Variants in ARHGAP31 observed in about 807,000 individuals in gnomAD.
ARHGAP31 encodes rho GTPase-activating protein 31.
In ARHGAP31, 34 loss-of-function variants were observed where a neutral mutation model predicts 113.9. That is an observed-to-expected ratio of 0.30 (90% CI 0.23 to 0.40). ARHGAP31 has a LOEUF of 0.40. Ranked by LOEUF, ARHGAP31 falls within the 10% of genes least tolerant of loss-of-function variation. The pLI is 1.00. For synonymous variants in ARHGAP31, 650 were observed against 684.8 expected (o/e 0.95, Z 0.79); for missense variants, 1,548 against 1,767.1 (o/e 0.88, Z 2.22).
chr3:119,386,541 G>T (rs544178409), intron 6 of ARHGAP31, among the ~76,000 whole-genome samples: 60 of 152,330 alleles, frequency 3.9e-4, no homozygotes, highest in African/African-American at 1.4e-3. Context: ...TATTGCTTTT[G>T]TAGGGACCAG....
intron 1 of ARHGAP31, among the ~76,000 whole-genome samples, chr3:119,303,646 G>T (rs951424053): frequency 6.6e-6 from 1 of 152,110 alleles, no homozygotes; most frequent in Non-Finnish European, 1.5e-5. Context: ...ACCAGCTCTC[G>T]CTGTCATAGA....
intron 1 of ARHGAP31, among the ~76,000 whole-genome samples, chr3:119,333,346 C>A (rs1216866354): frequency 6.6e-6 from 1 of 152,278 alleles, no homozygotes; most frequent in Non-Finnish European, 1.5e-5. Flanking sequence ...CTGGAAGGAG[C>A]CAAGGTTAGC....
chr3:119,390,900 G>A lies in ARHGAP31; in HGVS notation c.798G>A (p.Lys266=). 6.2e-7 allele frequency: 1 copy of A among 1,614,188 alleles called. No individual in the cohort carries two copies. Among genetic ancestry groups the A allele is most frequent in the African/African-American group, 1.3e-5 (1 of 75,054 alleles). Residue 266 remains lysine (K), a synonymous_variant, in exon 7 of 12, where the codon AAG becomes AAA. Transcript: ENST00000264245. The part of the protein sequence containing the change: ...RSLATNHPAR[K]ERRENSLPEI... ...TGGCCACTAACCATCCTGCTCGCAA[G>A]GAAAGGAGGGAGAACAGCCTGCCTG...
intron 1 of ARHGAP31, among the ~76,000 whole-genome samples, chr3:119,317,264 C>T (rs973559833): frequency 3.9e-5 from 6 of 151,978 alleles, no homozygotes; most frequent in Non-Finnish European, 8.8e-5. Flanking sequence ...CTGCAAGCTC[C>T]GCCTCCTGGG....
At chr3:119,373,827 T>C (rs1249546621) in intron 3 of ARHGAP31, among the ~76,000 whole-genome samples, 1 of 152,232 alleles carries the variant, frequency 6.6e-6, no homozygotes, top group Non-Finnish European at 1.5e-5. Flanking sequence ...CCGAAAGTCA[T>C]ATGAAATTAC....
In ARHGAP31 at chr3:119,418,042, ATC is replaced by A. The variant is rs2080793298; in HGVS notation, c.*1785_*1786del. ...TATTCCTCTCTCTCTCTGTCTCTCTATCTCTCTCCTCCCTCTCCCTCCCTCCC... is the reference window on the plus strand; with the variant it reads ...TATTCCTCTCTCTCTCTGTCTCTCTATCTCTCCTCCCTCTCCCTCCCTCCC... On this transcript the variant is annotated 3_prime_UTR_variant, in exon 12 of 12. Coordinates refer to ENST00000264245, the MANE Select transcript of ARHGAP31 (RefSeq NM_020754.4). The A allele has an allele frequency of 6.6e-6, 1 of 151,412 alleles. No individual in the cohort carries two copies. Among genetic ancestry groups the A allele is most frequent in the African/African-American group, 2.4e-5 (1 of 41,100 alleles). The allele number at this position is 151,412 out of a possible 1,614,324, so 9.4% of individuals were successfully genotyped here.
chr3:119,393,427 C>G lies in ARHGAP31; in HGVS notation c.882-40C>G, dbSNP rs537791271. ...CAATTTAAAAGTCCCCTTGAAATGACAAGTTAACAAACTAACCCCTTATGC... is the reference window on the plus strand; with the variant it reads ...CAATTTAAAAGTCCCCTTGAAATGAGAAGTTAACAAACTAACCCCTTATGC... On this transcript the variant is annotated intron_variant, in intron 7 of 11. Coordinates refer to ENST00000264245, the MANE Select transcript of ARHGAP31 (RefSeq NM_020754.4). 11 of 1,613,014 alleles carry G rather than the reference C, an allele frequency of 6.8e-6. No homozygotes were observed. In the South Asian group the frequency reaches 8.8e-5, roughly 13 times the overall value.
At chr3:119,326,741 A>G (rs555722982) in intron 1 of ARHGAP31, among the ~76,000 whole-genome samples, 1 of 152,378 alleles carries the variant, frequency 6.6e-6, no homozygotes, top group East Asian at 1.9e-4. Flanking sequence ...AGCATTCAGC[A>G]GGTATTCAGA....
intron 7 of ARHGAP31, among the ~76,000 whole-genome samples, chr3:119,391,841 A>T (rs1379115002): frequency 6.6e-6 from 1 of 151,958 alleles, no homozygotes; most frequent in Non-Finnish European, 1.5e-5. Context: ...TCTGGAACTC[A>T]CCTGGTGAGA....
intron 3 of ARHGAP31, among the ~76,000 whole-genome samples, chr3:119,369,128 GCACAC>G (rs941652214): frequency 1.3e-5 from 2 of 152,186 alleles, no homozygotes; most frequent in African/African-American, 4.8e-5. Context: ...ACCAAATAGG[GCACAC>G]CCATAGGAAA....
chr3:119,361,667 C>A (rs369159497), intron 1 of ARHGAP31, among the ~76,000 whole-genome samples: 62 of 152,364 alleles, frequency 4.1e-4, no homozygotes, highest in African/African-American at 1.5e-3. Context: ...CAGGCGTGAG[C>A]CACTGTGCCC....
intron 1 of ARHGAP31, among the ~76,000 whole-genome samples, chr3:119,304,341 TCAGA>T (rs2079611755): frequency 2.0e-5 from 3 of 152,102 alleles, no homozygotes; most frequent in South Asian, 4.1e-4. Context: ...GAAAGAACCA[TCAGA>T]CAGAGTGGGT....
rs1242925466 is a variant in ARHGAP31 at position 119,402,239 on chromosome 3, T to C, written c.1487T>C (p.Leu496Pro). ...GAGCCCTTTGCGGTATCTGTGCCGCTCCGCGTGTCCGCAGTCATCAGCACC... is the reference window on the plus strand; with the variant it reads ...GAGCCCTTTGCGGTATCTGTGCCGCCCCGCGTGTCCGCAGTCATCAGCACC... Reference protein sequence around the residue: ...ISEPFAVSVPLRVSAVISTNS... With the variant: ...ISEPFAVSVPPRVSAVISTNS... The change falls in exon 10 of 12, where the codon CTC becomes CCC. Residue 496 changes from leucine to proline, a missense_variant. Physicochemically the swap from Leu to Pro is moderately conservative, Grantham distance 98. Transcript: ENST00000264245. The C allele has an allele frequency of 2.9e-5, 47 of 1,614,246 alleles. No individual in the cohort carries two copies. Among genetic ancestry groups the C allele is most frequent in the Non-Finnish European group, 3.8e-5 (45 of 1,180,038 alleles).
chr3:119,362,204 A>G (rs2080213504), intron 1 of ARHGAP31, among the ~76,000 whole-genome samples: 1 of 152,172 alleles, frequency 6.6e-6, no homozygotes, highest in African/African-American at 2.4e-5. Context: ...TTTGTGCTTG[A>G]GTCCTCCTTG....
At chr3:119,338,984 G>T (rs1010780500) in intron 1 of ARHGAP31, among the ~76,000 whole-genome samples, 3 of 152,210 alleles carry the variant, frequency 2.0e-5, no homozygotes, top group African/African-American at 7.2e-5. Flanking sequence ...TAAGTTACAT[G>T]TTTAGGTTAG....
intron 1 of ARHGAP31, among the ~76,000 whole-genome samples, chr3:119,311,539 T>A (rs1489129059): frequency 6.6e-6 from 1 of 152,230 alleles, no homozygotes; most frequent in Non-Finnish European, 1.5e-5. Flanking sequence ...ATTCTAGGAA[T>A]AAGGATGTGG....
intron 2 of ARHGAP31, among the ~76,000 whole-genome samples, chr3:119,367,483 G>A (rs2080260122): frequency 6.6e-6 from 1 of 152,136 alleles, no homozygotes; most frequent in African/African-American, 2.4e-5. Flanking sequence ...ACTATAGATT[G>A]TTTAAGAAGA....
chr3:119,351,343 T>C (rs2080108814), intron 1 of ARHGAP31, among the ~76,000 whole-genome samples: 1 of 152,244 alleles, frequency 6.6e-6, no homozygotes, highest in African/African-American at 2.4e-5. Flanking sequence ...CTGGTCTTCC[T>C]CATTCTTGGT....
In ARHGAP31 at chr3:119,402,136, A is replaced by G. The variant is rs1454696135; in HGVS notation, c.1384A>G (p.Ser462Gly). Residue 462 changes from serine (S) to glycine (G), a missense_variant, in exon 10 of 12, where the codon AGC becomes GGC. Coordinates refer to ENST00000264245, the MANE Select transcript of ARHGAP31 (RefSeq NM_020754.4). Reference sequence around the variant, plus strand: ...GTTCTACACTTCGAACGACAGCCCTAGCAAATCCGTCTTCACCAGCAGCCT... The same window carrying G: ...GTTCTACACTTCGAACGACAGCCCTGGCAAATCCGTCTTCACCAGCAGCCT... ...GMFYTSNDSP[S>G]KSVFTSSLFQ... is the part of the protein sequence containing the mutation. The G allele has an allele frequency of 7.4e-6, 12 of 1,614,236 alleles. No individual in the cohort carries two copies. The highest frequency in any genetic ancestry group is 1.0e-5 in the Non-Finnish European group (12 of 1,180,030).
Sources: allele counts gnomAD v4.1 joint callset (sites outside exome capture counted in the v4.1 genomes callset), GRCh38; gene constraint gnomAD v4.1.1; transcripts MANE v1.5; gene names NCBI Gene and HGNC (gene_info 2026-07-23, HGNC 2026-07-21).